The following SORCS1 variants were observed in gnomAD, a reference collection of about 807,000 sequenced individuals.
The protein encoded by SORCS1 is VPS10 domain-containing receptor SorCS1.
In SORCS1, 60 loss-of-function variants were observed where a neutral mutation model predicts 146.1. The observed-to-expected ratio is 0.41, with a 90% CI of 0.33 to 0.51. The LOEUF (loss-of-function observed/expected upper bound fraction) is 0.51. Among genes scored for constraint, SORCS1 ranks in the 20% least tolerant of loss-of-function variants. SORCS1 has a pLI of 0.21. For missense variants in SORCS1, 1,352 were observed against 1,487.6 expected (o/e 0.91, Z 1.50); for synonymous variants, 637 against 584.0 (o/e 1.09, Z -1.31).
intron 10 of SORCS1, among the ~76,000 whole-genome samples, chr10:106,682,157 A>C (rs1033656473): frequency 6.6e-6 from 1 of 152,094 alleles, no homozygotes; most frequent in African/African-American, 2.4e-5. Flanking sequence ...AAACAAACAA[A>C]AAACAAACAA....
At chr10:107,076,502 C>T (rs1394447770) in intron 1 of SORCS1, among the ~76,000 whole-genome samples, 1 of 152,162 alleles carries the variant, frequency 6.6e-6, no homozygotes, top group Non-Finnish European at 1.5e-5. Flanking sequence ...TTTGAACAAA[C>T]TACAACACAC....
intron 2 of SORCS1, among the ~76,000 whole-genome samples, chr10:106,837,376 C>A (rs1433530158): frequency 1.3e-5 from 2 of 152,022 alleles, no homozygotes; most frequent in Non-Finnish European, 2.9e-5. Context: ...TCAACCCAAC[C>A]CCCTATGTTA....
chr10:106,635,849 A>G (rs1848695715), intron 18 of SORCS1, among the ~76,000 whole-genome samples: 2 of 152,216 alleles, frequency 1.3e-5, no homozygotes, highest in South Asian at 4.1e-4. Flanking sequence ...GACAGAAAGG[A>G]AATCAGATAT....
At chr10:106,656,240 T>C (rs2135310885) in intron 17 of SORCS1, among the ~76,000 whole-genome samples, 1 of 152,276 alleles carries the variant, frequency 6.6e-6, no homozygotes, top group East Asian at 1.9e-4. Flanking sequence ...CTTTGCTACC[T>C]GGAAGTCTTA....
chr10:106,772,289 T>C (rs542193982), intron 4 of SORCS1, among the ~76,000 whole-genome samples: 21 of 152,266 alleles, frequency 1.4e-4, no homozygotes, highest in African/African-American at 5.1e-4. Flanking sequence ...GACTTTGGAC[T>C]TGGACCAGGA....
the SORCS1 span, among the ~76,000 whole-genome samples, chr10:107,171,440 G>A: frequency 6.6e-6 from 1 of 151,242 alleles, no homozygotes; most frequent in Admixed American, 6.6e-5. Flanking sequence ...AAGAGACTGA[G>A]CTTTTAGCTA....
chr10:107,073,447 CTACCATCTAATTGAGTT>C (rs1201641116), intron 1 of SORCS1, among the ~76,000 whole-genome samples: 1 of 152,100 alleles, frequency 6.6e-6, no homozygotes, highest in Non-Finnish European at 1.5e-5. Flanking sequence ...TGAGGGGATT[CTACCATCTAATTGAGTT>C]TACCCTCAAT....
At chr10:106,947,866 G>T (rs939513362) in intron 2 of SORCS1, among the ~76,000 whole-genome samples, 6 of 151,560 alleles carry the variant, frequency 4.0e-5, no homozygotes, top group African/African-American at 1.2e-4. Context: ...AAAGAAACTA[G>T]AGCTACAAAC....
chr10:106,893,987 A>G (rs1269074664), intron 2 of SORCS1, among the ~76,000 whole-genome samples: 3 of 152,184 alleles, frequency 2.0e-5, no homozygotes, highest in African/African-American at 7.2e-5. Flanking sequence ...ACTACTTACT[A>G]CAGCTGTGGC....
At chr10:106,607,435 CAG>C in intron 22 of SORCS1, 138 bp from the exon 23 acceptor site, 1 of 1,192,098 alleles carries the variant, frequency 8.4e-7, no homozygotes, top group Non-Finnish European at 1.1e-6. Flanking sequence ...GCATATCAGG[CAG>C]GGAGTATGTG....
At chr10:106,901,515 C>T (rs1275352347) in intron 2 of SORCS1, among the ~76,000 whole-genome samples, 2 of 152,166 alleles carry the variant, frequency 1.3e-5, no homozygotes, top group African/African-American at 4.8e-5. Context: ...TCACTGCAGC[C>T]TCAAACTACT....
At chr10:106,792,652 G>T (rs575425142) in intron 3 of SORCS1, among the ~76,000 whole-genome samples, 1 of 152,174 alleles carries the variant, frequency 6.6e-6, no homozygotes, top group Non-Finnish European at 1.5e-5. Context: ...GCAGGTCTTC[G>T]TAAGCACGGG....
intron 6 of SORCS1, among the ~76,000 whole-genome samples, chr10:106,727,661 A>C (rs995754602): frequency 1.3e-5 from 2 of 152,244 alleles, no homozygotes; most frequent in African/African-American, 4.8e-5. Context: ...TAAAGAAAAA[A>C]AATAGTTGTA....
At chr10:106,699,630 C>T (rs1215744810) in intron 8 of SORCS1, among the ~76,000 whole-genome samples, 2 of 152,126 alleles carry the variant, frequency 1.3e-5, no homozygotes, top group Admixed American at 1.3e-4. Flanking sequence ...GTTTGATAGA[C>T]CAGTTTTAAT....
At chr10:106,609,421 A>C (rs980841878) in intron 22 of SORCS1, among the ~76,000 whole-genome samples, 24 of 152,274 alleles carry the variant, frequency 1.6e-4, no homozygotes, top group Non-Finnish European at 3.2e-4. Context: ...TTCATAATGA[A>C]TAGCAAGAAA....
intron 1 of SORCS1, among the ~76,000 whole-genome samples, chr10:106,972,970 G>T (rs534578242): frequency 4.8e-4 from 73 of 152,264 alleles, no homozygotes; most frequent in African/African-American, 1.7e-3. Context: ...GGCCTTGAAG[G>T]ATGGCTTGTG....
intron 2 of SORCS1, among the ~76,000 whole-genome samples, chr10:106,926,860 CACACACAGAGAGAGAG>C (rs1351907162): frequency 3.3e-5 from 3 of 90,280 alleles, no homozygotes; most frequent in African/African-American, 2.3e-4. Flanking sequence ...CACACACACA[CACACACAGAGAGAGAG>C]AGAGAGAGAG....
At chr10:106,817,632 A>C (rs1482298162) in intron 3 of SORCS1, among the ~76,000 whole-genome samples, 1 of 152,224 alleles carries the variant, frequency 6.6e-6, no homozygotes, top group African/African-American at 2.4e-5. Context: ...AAGAGGCAAA[A>C]GAGTAGAATA....
intron 10 of SORCS1, among the ~76,000 whole-genome samples, chr10:106,683,509 T>C (rs1852594924): frequency 6.6e-6 from 1 of 152,244 alleles, no homozygotes; most frequent in Non-Finnish European, 1.5e-5. Context: ...ACTGTGTTTC[T>C]AGCATTGTGG....
Sources: gnomAD v4.1 joint callset for allele counts (sites outside exome capture counted in the v4.1 genomes callset) on GRCh38, gnomAD v4.1.1 for gene constraint, MANE v1.5 for transcripts, NCBI Gene and HGNC (gene_info 2026-07-23, HGNC 2026-07-21) for gene names.